TSR1: variants seen among roughly 807,000 people sequenced by gnomAD.
TSR1 encodes TSR1 ribosome maturation factor.
TSR1 carries 81 observed loss-of-function variants against 90.9 expected under a neutral mutation model. That is an observed-to-expected ratio of 0.89 (90% CI 0.74 to 1.07). The LOEUF (loss-of-function observed/expected upper bound fraction) is 1.07, where lower values mean the gene tolerates loss of function less well. Ranked by LOEUF, TSR1 falls within the 50% of genes least tolerant of loss-of-function variation. TSR1 has a pLI of 0.00. For synonymous variants in TSR1, 362 were observed against 348.8 expected, an observed-to-expected ratio of 1.04 and a Z score of -0.42; for missense variants, 989 against 987.3, an observed-to-expected ratio of 1.00 and a Z score of -0.02.
In TSR1 at chr17:2,323,098, G is replaced by T. The variant is rs1597271390; in HGVS notation, c.*1098C>A. ...CTTTTAGACATGCAGGCAATGTTGTGGTTTGTTGTTAAGATGTCTTAATAT... is the reference window on the plus strand; with the variant it reads ...CTTTTAGACATGCAGGCAATGTTGTTGTTTGTTGTTAAGATGTCTTAATAT... On this transcript the variant is annotated 3_prime_UTR_variant, in exon 15 of 15. Coordinates refer to ENST00000301364, the MANE Select transcript of TSR1 (RefSeq NM_018128.5). 1.9e-6 allele frequency: 3 copies of T among 1,598,794 alleles called. No individual in the cohort carries two copies. Among genetic ancestry groups the T allele is most frequent in the Non-Finnish European group, 2.6e-6 (3 of 1,166,318 alleles).
chr17:2,325,093 C>T, intron 12 of TSR1: 1 of 590,344 alleles, frequency 1.7e-6, no homozygotes, highest in Non-Finnish European at 2.9e-6. Context: ...GAACAAAAGG[C>T]AGTTATTTGA....
intron 7 of TSR1, 55 bp downstream of exon 7, chr17:2,332,906 T>C: frequency 6.4e-7 from 1 of 1,568,790 alleles, no homozygotes; most frequent in Admixed American, 1.8e-5. Flanking sequence ...ACACCTGCAC[T>C]TTGCCTTACA....
At chr17:2,332,429 AAG>A (rs2064012958) in intron 7 of TSR1, 70 bp from the exon 8 acceptor site, 1 of 1,331,630 alleles carries the variant, frequency 7.5e-7, no homozygotes, top group African/African-American at 1.5e-5. Context: ...CCAATAAGCT[AAG>A]AGTAAAATAA....
Position 2,323,381 on chromosome 17 carries a change from G to A in TSR1, c.*815C>T. 6.2e-7 allele frequency: 1 copy of A among 1,611,544 alleles called. No individual in the cohort carries two copies. Among genetic ancestry groups the A allele is most frequent in the South Asian group, 1.1e-5 (1 of 90,818 alleles). The stretch of plus-strand genomic sequence containing the variant: ...AGCAAGAAAAGAAATAGCAAAGCAT[G>A]GTGTAACTTCTTAGGCAGAAGAAAC... On this transcript the variant is annotated 3_prime_UTR_variant, in exon 15 of 15. Coordinates refer to ENST00000301364, the MANE Select transcript of TSR1 (RefSeq NM_018128.5).
chr17:2,324,659 T>A (rs755263973), intron 13 of TSR1, 30 bp downstream of exon 13: 14 of 1,613,800 alleles, frequency 8.7e-6, no homozygotes, highest in Non-Finnish European at 1.2e-5. Flanking sequence ...ACAAAGGCAA[T>A]CAGATCCCAT....
intron 11 of TSR1, among the ~76,000 whole-genome samples, chr17:2,327,451 T>A (rs569691256): frequency 2.0e-5 from 3 of 149,668 alleles, no homozygotes; most frequent in Admixed American, 6.7e-5. Context: ...GAGACCGGAG[T>A]CTCACACTCC....
Position 2,323,480 on chromosome 17 carries a change from G to A in TSR1, c.*716C>T, listed in dbSNP as rs915336744. On this transcript the variant is annotated 3_prime_UTR_variant, in exon 15 of 15. Transcript: ENST00000301364. ...CATGACATGGGAGGGTACCCTAGAT[G>A]TATTAATGACAACCCTCTTGACAGA... The A allele has an allele frequency of 6.8e-6, 8 of 1,171,228 alleles. No individual in the cohort carries two copies. The highest frequency in any genetic ancestry group is 9.7e-6 in the Non-Finnish European group (8 of 820,662). 72.6% of individuals were successfully genotyped at this position (1,171,228 alleles called of 1,614,324 possible).
intron 14 of TSR1, 58 bp downstream of exon 14, chr17:2,324,446 A>G: frequency 4.3e-6 from 7 of 1,612,346 alleles, no homozygotes; most frequent in Non-Finnish European, 5.1e-6. Flanking sequence ...CCAACCCAAC[A>G]GTCATTTAGC....
In TSR1 at chr17:2,323,844, C is replaced by T; in HGVS notation, c.*352G>A. Reference sequence around the variant, plus strand: ...AACTTGGGTGAAGCAGGCTGAAAGGCCAGCTTCTTATCAGTCTGTTTCTGT... The same window carrying T: ...AACTTGGGTGAAGCAGGCTGAAAGGTCAGCTTCTTATCAGTCTGTTTCTGT... On this transcript the variant is annotated 3_prime_UTR_variant, in exon 15 of 15. Coordinates refer to ENST00000301364, the MANE Select transcript of TSR1 (RefSeq NM_018128.5). The T allele has an allele frequency of 6.2e-7, 1 of 1,614,120 alleles. No individual in the cohort carries two copies. The highest frequency in any genetic ancestry group is 8.5e-7 in the Non-Finnish European group (1 of 1,180,018).
In TSR1 at chr17:2,330,566, G is replaced by C. The variant is rs779166488; in HGVS notation, c.1719C>G (p.Phe573Leu). ...ATGCAATCAAGGGTGTTCCTTGCCT[G>C]AAGCACTCGACCACTGAGACGGGGA... is the stretch of plus-strand genomic sequence containing the variant. ...SEVPVSVVECFRQGTPLIAFS... is the reference protein window; with the variant it reads ...SEVPVSVVECLRQGTPLIAFS... The change falls in exon 10 of 15, where the codon TTC (phenylalanine) becomes TTG (leucine). Residue 573 changes from phenylalanine (F) to leucine (L), a missense_variant. Transcript: ENST00000301364. 5.6e-6 allele frequency: 9 copies of C among 1,614,006 alleles called. No individual in the cohort carries two copies. The highest frequency in any genetic ancestry group is 7.6e-6 in the Non-Finnish European group (9 of 1,179,982).
chr17:2,323,410 C>T lies in TSR1; in HGVS notation c.*786G>A. 6.3e-7 allele frequency: 1 copy of T among 1,585,118 alleles called. No individual in the cohort carries two copies. The highest frequency in any genetic ancestry group is 1.1e-5 in the South Asian group (1 of 89,414). ...TAACTTCTTAGGCAGAAGAAACTTC[C>T]CTTAGGAGTAGCAAGTGACCCACGG... On this transcript the variant is annotated 3_prime_UTR_variant, in exon 15 of 15. Coordinates refer to ENST00000301364, the MANE Select transcript of TSR1 (RefSeq NM_018128.5).
intron 5 of TSR1, among the ~76,000 whole-genome samples, chr17:2,334,166 C>A (rs1475754395): frequency 6.6e-6 from 1 of 152,182 alleles, no homozygotes; most frequent in Non-Finnish European, 1.5e-5. Flanking sequence ...CTGGTCCGCA[C>A]TCTAACCATA....
chr17:2,332,466 C>T (rs955762261), intron 7 of TSR1, 107 bp from the exon 8 acceptor site: 1 of 959,484 alleles, frequency 1.0e-6, no homozygotes, highest in African/African-American at 1.7e-5. Context: ...TATTCCCAAC[C>T]AACATAAATT....
At chr17:2,335,942 C>T in intron 2 of TSR1, 95 bp downstream of exon 2, 1 of 1,391,750 alleles carries the variant, frequency 7.2e-7, no homozygotes, top group Non-Finnish European at 1.0e-6. Context: ...ATGCTCTGTC[C>T]CTGGACCCTC....
Position 2,323,791 on chromosome 17 carries a change from G to A in TSR1, c.*405C>T. ...AAGAACATTTGTATTGTGCTCAGTGGTGGAAATGTAGACTTAACCTCCTCC... is the reference window on the plus strand; with the variant it reads ...AAGAACATTTGTATTGTGCTCAGTGATGGAAATGTAGACTTAACCTCCTCC... On this transcript the variant is annotated 3_prime_UTR_variant, in exon 15 of 15. Transcript: ENST00000301364. 6.2e-7 allele frequency: 1 copy of A among 1,614,198 alleles called. No homozygotes were observed. The highest frequency in any genetic ancestry group is 8.5e-7 in the Non-Finnish European group (1 of 1,180,044).
At position 2,333,066 on chromosome 17, in the gene TSR1, G is replaced by T; in HGVS notation, c.1200C>A (p.Tyr400Ter). Residue 400 changes from tyrosine to a stop codon, truncating the protein, a stop_gained, in exon 7 of 15, where the codon TAC becomes TAA. Coordinates refer to ENST00000301364, the MANE Select transcript of TSR1 (RefSeq NM_018128.5). LOFTEE classifies it high-confidence loss of function. The stretch of plus-strand genomic sequence containing the variant: ...CACCATCCAAAATCCATTCAGCTTG[G>T]TAACTGGATGTTCCTTTGGGGACCT... ...VKKVPKGTSSYQAEWILDGGS... is the reference protein window; with the variant it reads ...VKKVPKGTSS 6.2e-7 allele frequency: 1 copy of T among 1,614,072 alleles called. No homozygotes were observed. The highest frequency in any genetic ancestry group is 1.1e-5 in the South Asian group (1 of 91,080).
Position 2,334,688 on chromosome 17 carries a change from G to A in TSR1, c.765C>T (p.Ala255=). The A allele has an allele frequency of 1.9e-6, 3 of 1,613,556 alleles. No individual in the cohort carries two copies. Among genetic ancestry groups the A allele is most frequent in the Non-Finnish European group, 2.5e-6 (3 of 1,180,034 alleles). Residue 255 remains alanine (A), a synonymous_variant, in exon 5 of 15, where the codon GCC becomes GCT. Transcript: ENST00000301364. ...CACTAGGAACAAAATCAACAGCATG[G>A]GCAAATAGGTAGGCCCGCCGATCTC... is the stretch of plus-strand genomic sequence containing the variant. The part of the protein sequence containing the change: ...AFRDRRAYLF[A]HAVDFVPSEE...
rs771395142 is a variant in TSR1, at chr17:2,324,565, C to A, written c.2175G>T (p.Trp725Cys). The change falls in exon 14 of 15, where the codon TGG becomes TGT. Residue 725 changes from tryptophan to cysteine, a missense_variant. Coordinates refer to ENST00000301364, the MANE Select transcript of TSR1 (RefSeq NM_018128.5). ...TCGTTCTCAGTTCCACTGGTTTAAACCACAGCACATCCTCTTAGAATCAAA... is the reference window on the plus strand; with the variant it reads ...TCGTTCTCAGTTCCACTGGTTTAAAACACAGCACATCCTCTTAGAATCAAA... ...YMFFNREDVL[W>C]FKPVELRTKW... 16 of 1,614,168 alleles carry A rather than the reference C, an allele frequency of 9.9e-6. No homozygotes were observed. Among genetic ancestry groups the A allele is most frequent in the Non-Finnish European group, 1.2e-5 (14 of 1,180,026 alleles).
At chr17:2,332,524 C>T (rs548353099) in intron 7 of TSR1, among the ~76,000 whole-genome samples, 165 bp from the exon 8 acceptor site, 1 of 152,300 alleles carries the variant, frequency 6.6e-6, no homozygotes, top group Admixed American at 6.5e-5. Flanking sequence ...CTGGCAACTA[C>T]AGAGTCATTC....
Sources: allele counts gnomAD v4.1 joint callset (sites outside exome capture counted in the v4.1 genomes callset), GRCh38; gene constraint gnomAD v4.1.1; transcripts MANE v1.5; gene names NCBI Gene and HGNC (gene_info 2026-07-23, HGNC 2026-07-21).